DAB1: variants seen among roughly 807,000 people sequenced by gnomAD.
DAB1 encodes disabled homolog 1.
A neutral mutation model predicts 64.6 loss-of-function variants in DAB1; 15 were observed. The observed-to-expected ratio is 0.23, with a 90% CI of 0.16 to 0.36. DAB1 has a LOEUF of 0.36. Ranked by LOEUF, DAB1 falls within the 10% of genes least tolerant of loss-of-function variation. The pLI is 1.00. For synonymous variants in DAB1, 235 were observed against 251.9 expected, an observed-to-expected ratio of 0.93 and a Z score of 0.64; for missense variants, 596 against 706.7, an observed-to-expected ratio of 0.84 and a Z score of 1.78.
At chr1:58,306,307 G>C (rs1233633793) in intron 4 of DAB1, among the ~76,000 whole-genome samples, 1 of 152,126 alleles carries the variant, frequency 6.6e-6, no homozygotes, top group Non-Finnish European at 1.5e-5. Context: ...GAAGGGGCAA[G>C]GTGAAATTTG....
At chr1:58,016,659 A>C (rs939852842) in intron 5 of DAB1, among the ~76,000 whole-genome samples, 1 of 152,092 alleles carries the variant, frequency 6.6e-6, no homozygotes, top group African/African-American at 2.4e-5. Context: ...CAAACTAAAA[A>C]GCCCTGAACG....
At chr1:57,599,455 A>C (rs1465403114) in intron 7 of DAB1, among the ~76,000 whole-genome samples, 1 of 151,326 alleles carries the variant, frequency 6.6e-6, no homozygotes, top group Non-Finnish European at 1.5e-5. Flanking sequence ...AGCCGTTATA[A>C]TGCAGGGTCT....
chr1:57,744,814 G>A (rs918028501), intron 6 of DAB1, among the ~76,000 whole-genome samples: 3 of 152,126 alleles, frequency 2.0e-5, no homozygotes, highest in African/African-American at 7.2e-5. Flanking sequence ...CCGAGGACAT[G>A]GTTCCTGTCC....
chr1:58,224,284 A>G (rs1432238636), intron 4 of DAB1, among the ~76,000 whole-genome samples: 1 of 152,214 alleles, frequency 6.6e-6, no homozygotes, highest in Non-Finnish European at 1.5e-5. Context: ...CTAGCACAAG[A>G]GCTTAAATGT....
At chr1:58,358,004 CT>C (rs1465689722) in intron 3 of DAB1, among the ~76,000 whole-genome samples, 1 of 152,134 alleles carries the variant, frequency 6.6e-6, no homozygotes, top group Non-Finnish European at 1.5e-5. Flanking sequence ...TTAATTCAGT[CT>C]TTTATTCTGC....
At chr1:57,679,119 T>C (rs1646606331) in intron 6 of DAB1, among the ~76,000 whole-genome samples, 1 of 152,154 alleles carries the variant, frequency 6.6e-6, no homozygotes, top group African/African-American at 2.4e-5. Context: ...GAATATGGTA[T>C]ACAGAGAAGT....
Position 58,246,644 on chromosome 1 carries a change from G to A in DAB1, n.310-96056C>T, listed in dbSNP as rs117855464. On this transcript the variant is annotated intron_variant and non_coding_transcript_variant, in intron 4 of 20. Transcript: ENST00000485760. ...TGGGTAGGTGTGCATGTGTGAGTAT[G>A]GTAGTGAGTGATGTAGGTGTAATGC... Among the ~76,000 whole-genome samples the A allele has an allele frequency of 1.0e-3, 158 of 152,008 alleles. 2 individuals are homozygous for A. In the East Asian group the frequency reaches 0.03, roughly 29 times the overall value.
chr1:57,443,849 G>T (rs553205775), intron 7 of DAB1, among the ~76,000 whole-genome samples: 16 of 152,146 alleles, frequency 1.1e-4, no homozygotes, highest in Non-Finnish European at 1.3e-4. Flanking sequence ...CTCCCTGTTT[G>T]CACTCTTGCT....
chr1:57,207,446 C>CTTTTTTTTTTTTTTTTTTTTTTTTT lies in DAB1; in HGVS notation c.68-62018_68-62017insAAAAAAAAAAAAAAAAAAAAAAAAA, dbSNP rs772989513. Among the ~76,000 whole-genome samples the CTTTTTTTTTTTTTTTTTTTTTTTTT allele has an allele frequency of 4.1e-4, 40 of 98,456 alleles. 6 individuals are homozygous for CTTTTTTTTTTTTTTTTTTTTTTTTT. The highest frequency in any genetic ancestry group is 5.0e-4 in the Non-Finnish European group (23 of 46,430). The allele number at this position is 98,456 out of a possible 152,430, so 64.6% of individuals were successfully genotyped here. A position where few individuals can be genotyped will look rare whatever the true frequency, so the allele number is the denominator to read the frequency against. On this transcript the variant is annotated intron_variant, in intron 2 of 14. Coordinates refer to ENST00000371236, the MANE Select transcript of DAB1 (RefSeq NM_001365792.1). ...CTGTAATTCATACCTTATTTCCTTT[C>CTTTTTTTTTTTTTTTTTTTTTTTTT]TTTTTTTTTTTTTTTGAGATGGAGT...
intron 9 of DAB1, among the ~76,000 whole-genome samples, chr1:57,039,950 C>T (rs528212607): frequency 6.6e-6 from 1 of 152,246 alleles, no homozygotes; most frequent in Non-Finnish European, 1.5e-5. Flanking sequence ...CATTGGTCAT[C>T]CATTCACTTA....
At chr1:57,124,699 G>A (rs1426871274) in intron 4 of DAB1, among the ~76,000 whole-genome samples, 1 of 152,092 alleles carries the variant, frequency 6.6e-6, no homozygotes, top group East Asian at 1.9e-4. Context: ...AATCTAGTCT[G>A]GCAGGTAAAT....
intron 4 of DAB1, among the ~76,000 whole-genome samples, chr1:58,230,792 T>C (rs1338055086): frequency 6.6e-6 from 1 of 152,210 alleles, no homozygotes; most frequent in Non-Finnish European, 1.5e-5. Context: ...TAACACAGGT[T>C]GAACATCCAC....
intron 6 of DAB1, among the ~76,000 whole-genome samples, chr1:57,725,621 T>C (rs1274281971): frequency 3.8e-4 from 58 of 152,330 alleles, no homozygotes; most frequent in South Asian, 2.5e-3. Flanking sequence ...TTGTATCAGA[T>C]AAGGAAAGAG....
At chr1:58,237,825 A>G (rs1444978282) in intron 4 of DAB1, among the ~76,000 whole-genome samples, 1 of 152,218 alleles carries the variant, frequency 6.6e-6, no homozygotes, top group Non-Finnish European at 1.5e-5. Flanking sequence ...TAGCCCAGAA[A>G]GTAGACTGGT....
At chr1:57,364,897 A>T (rs1030730080) in intron 1 of DAB1, among the ~76,000 whole-genome samples, 1 of 149,324 alleles carries the variant, frequency 6.7e-6, no homozygotes, top group African/African-American at 2.4e-5. Flanking sequence ...TAAGGAAATA[A>T]CACAAAATTC....
At chr1:58,281,503 C>T (rs1394464253) in intron 4 of DAB1, among the ~76,000 whole-genome samples, 2 of 152,084 alleles carry the variant, frequency 1.3e-5, no homozygotes, top group Admixed American at 6.5e-5. Context: ...ATATGTCAGC[C>T]TCTTACCTAG....
chr1:57,535,304 A>T (rs890260914), intron 7 of DAB1, among the ~76,000 whole-genome samples: 1 of 152,194 alleles, frequency 6.6e-6, no homozygotes, highest in Non-Finnish European at 1.5e-5. Context: ...CTAGCATTGT[A>T]TCTAGGACAT....
intron 7 of DAB1, among the ~76,000 whole-genome samples, chr1:57,615,558 C>G (rs990082606): frequency 6.6e-6 from 1 of 152,166 alleles, no homozygotes; most frequent in African/African-American, 2.4e-5. Flanking sequence ...CCAGTATTAT[C>G]GTACTACTTG....
intron 4 of DAB1, among the ~76,000 whole-genome samples, chr1:58,288,816 T>C (rs1034016160): frequency 6.6e-6 from 1 of 152,226 alleles, no homozygotes; most frequent in Non-Finnish European, 1.5e-5. Context: ...TTGAGGCTTC[T>C]TTATTTGGCT....
Sources: gnomAD v4.1 joint callset for allele counts (sites outside exome capture counted in the v4.1 genomes callset) on GRCh38, gnomAD v4.1.1 for gene constraint, MANE v1.5 for transcripts, NCBI Gene and HGNC (gene_info 2026-07-23, HGNC 2026-07-21) for gene names.